Variants in ZFHX4 observed in about 807,000 individuals in gnomAD.
ZFHX4 encodes the protein zinc finger homeobox 4, also known as zinc finger homeobox protein 4.
ZFHX4 carries 56 observed loss-of-function variants against 267.6 expected under a neutral mutation model. That is an observed-to-expected ratio of 0.21 (90% CI 0.17 to 0.26). The LOEUF (loss-of-function observed/expected upper bound fraction) is 0.26. ZFHX4 is among the 10% of genes least tolerant of loss of function. ZFHX4 has a pLI of 1.00. For synonymous variants in ZFHX4, 1,778 were observed against 1,665.6 expected (o/e 1.07, Z -1.64); for missense variants, 4,332 against 4,420.0 (o/e 0.98, Z 0.56).
intron 3 of ZFHX4, among the ~76,000 whole-genome samples, chr8:76,753,001 T>G (rs1299294726): frequency 6.6e-6 from 1 of 152,238 alleles, no homozygotes; most frequent in Non-Finnish European, 1.5e-5. Context: ...TTTGTACCAG[T>G]GCATGCCAAT....
intron 1 of ZFHX4, among the ~76,000 whole-genome samples, chr8:76,691,689 C>T (rs1041033468): frequency 6.6e-6 from 1 of 152,058 alleles, no homozygotes; most frequent in African/African-American, 2.4e-5. Flanking sequence ...TGCCCTTGTC[C>T]AAGTTACTTA....
chr8:76,801,828 T>C (rs904667127), intron 4 of ZFHX4, among the ~76,000 whole-genome samples: 4 of 152,012 alleles, frequency 2.6e-5, no homozygotes, highest in Non-Finnish European at 5.9e-5. Context: ...AATTTATGAG[T>C]CAAAAATATG....
At chr8:76,752,505 A>AAAAAG (rs1809645889) in intron 3 of ZFHX4, among the ~76,000 whole-genome samples, 1 of 149,106 alleles carries the variant, frequency 6.7e-6, no homozygotes, top group African/African-American at 2.4e-5. Flanking sequence ...AAAAAAAAAA[A>AAAAAG]AAAAGAAAAA....
At chr8:76,714,926 T>C (rs1808525061) in intron 3 of ZFHX4, among the ~76,000 whole-genome samples, 1 of 152,202 alleles carries the variant, frequency 6.6e-6, no homozygotes, top group Non-Finnish European at 1.5e-5. Context: ...AGAGTTTCCA[T>C]GCATTTTTTC....
Position 76,778,394 on chromosome 8 carries a change from C to A in ZFHX4, c.3280C>A (p.Leu1094Ile). Residue 1094 changes from leucine to isoleucine, a missense_variant, in exon 4 of 11, where the codon CTC becomes ATC. Physicochemically the swap from Leu to Ile is conservative, Grantham distance 5. Coordinates refer to ENST00000651372, the MANE Select transcript of ZFHX4 (RefSeq NM_024721.5). ...QQGLAPEEDN[L>I]SEIFFVKDCP... ...AGGCCTGGCACCAGAGGAGGACAAC[C>A]TCAGTGAGATCTTTTTTGTTAAAGA... is the stretch of plus-strand genomic sequence containing the variant. 6.2e-7 allele frequency: 1 copy of A among 1,613,884 alleles called. No homozygotes were observed.
chr8:76,773,548 A>T (rs899183830), intron 3 of ZFHX4, among the ~76,000 whole-genome samples: 2 of 152,226 alleles, frequency 1.3e-5, no homozygotes, highest in Non-Finnish European at 2.9e-5. Flanking sequence ...CATCCTCCTG[A>T]TATCTGTTTG....
At chr8:76,707,469 A>C in intron 2 of ZFHX4, 77 bp from the exon 3 acceptor site, 1 of 1,319,140 alleles carries the variant, frequency 7.6e-7, no homozygotes, top group Non-Finnish European at 1.0e-6. Flanking sequence ...CCTTGTCAAG[A>C]CTTTATTTTA....
At chr8:76,801,276 A>G (rs1811110736) in intron 4 of ZFHX4, among the ~76,000 whole-genome samples, 1 of 152,228 alleles carries the variant, frequency 6.6e-6, no homozygotes, top group Non-Finnish European at 1.5e-5. Context: ...AAATCCAACC[A>G]AAAGGTTTAG....
chr8:76,712,973 CTT>C (rs1212885647), intron 3 of ZFHX4, among the ~76,000 whole-genome samples: 1 of 152,044 alleles, frequency 6.6e-6, no homozygotes, highest in Admixed American at 6.5e-5. Context: ...ATACTTATAA[CTT>C]ATAAATACAT....
At chr8:76,845,650 T>C (rs930236575) in intron 6 of ZFHX4, among the ~76,000 whole-genome samples, 2 of 152,122 alleles carry the variant, frequency 1.3e-5, no homozygotes, top group Admixed American at 6.6e-5. Context: ...TTGCTTTGAG[T>C]ACATGTGCGT....
chr8:76,782,940 T>G (rs1810589836), intron 4 of ZFHX4, among the ~76,000 whole-genome samples: 2 of 152,060 alleles, frequency 1.3e-5, no homozygotes. Flanking sequence ...CAAGTTATTC[T>G]TCTCTGCCAG....
In ZFHX4 at chr8:76,708,037, A is replaced by G; in HGVS notation, c.3082A>G (p.Lys1028Glu). The G allele has an allele frequency of 6.2e-7, 1 of 1,613,326 alleles. No individual in the cohort carries two copies. Among genetic ancestry groups the G allele is most frequent in the Non-Finnish European group, 8.5e-7 (1 of 1,179,874 alleles). ...TTNHRHEAAL[K>E]LYKHLQKQEG... Reference sequence around the variant, plus strand: ...CAATCACAGGCACGAGGCGGCCCTGAAGCTCTACAAGGTAAGCAGTGACAT... The same window carrying G: ...CAATCACAGGCACGAGGCGGCCCTGGAGCTCTACAAGGTAAGCAGTGACAT... Residue 1028 changes from lysine to glutamate, a missense_variant, in exon 3 of 11, where the codon AAG becomes GAG. Physicochemically the swap from Lys to Glu is moderately conservative, Grantham distance 56 (BLOSUM62 1). This residue lies in a region of ZFHX4 where 1,371 missense variants were observed against 1,423.1 expected (regional missense o/e 0.96). Coordinates refer to ENST00000651372, the MANE Select transcript of ZFHX4 (RefSeq NM_024721.5).
In ZFHX4 at chr8:76,856,145, G is replaced by T. The variant is rs773553542; in HGVS notation, c.9224G>T (p.Gly3075Val). The T allele has an allele frequency of 1.9e-6, 3 of 1,613,984 alleles. No individual in the cohort carries two copies. The East Asian group carries it at 6.7e-5, about 36-fold the overall frequency. Reference protein sequence around the residue: ...DRIKKASDVLGLTVQQPGMMD... With the variant: ...DRIKKASDVLVLTVQQPGMMD... ...ATAAAGAAAGCTTCAGACGTGCTGGGCTTGACGGTACAGCAGCCAGGCATG... is the reference window on the plus strand; with the variant it reads ...ATAAAGAAAGCTTCAGACGTGCTGGTCTTGACGGTACAGCAGCCAGGCATG... Residue 3075 changes from glycine to valine, a missense_variant, in exon 10 of 11, where the codon GGC becomes GTC. Coordinates refer to ENST00000651372, the MANE Select transcript of ZFHX4 (RefSeq NM_024721.5).
chr8:76,710,053 A>C (rs1808384532), intron 3 of ZFHX4, among the ~76,000 whole-genome samples: 1 of 152,186 alleles, frequency 6.6e-6, no homozygotes, highest in African/African-American at 2.4e-5. Flanking sequence ...CTTTCCTTAA[A>C]AATGTTATAA....
chr8:76,864,420 C>A lies in ZFHX4; in HGVS notation c.10706C>A (p.Pro3569His). The A allele has an allele frequency of 6.2e-7, 1 of 1,613,756 alleles. No homozygotes were observed. The highest frequency in any genetic ancestry group is 8.5e-7 in the Non-Finnish European group (1 of 1,179,856). The change falls in exon 11 of 11, where the codon CCC becomes CAC. Residue 3569 changes from proline (P) to histidine (H), a missense_variant. Physicochemically the swap from Pro to His is moderately conservative, Grantham distance 77 (BLOSUM62 -2). Transcript: ENST00000651372. ...ACCTCAGGGGTTCAAACCTCACTACCCACAGAAAGTTGTTCAGATGAGTCT... is the reference window on the plus strand; with the variant it reads ...ACCTCAGGGGTTCAAACCTCACTACACACAGAAAGTTGTTCAGATGAGTCT... ...CSTSGVQTSL[P>H]TESCSDESDS...
chr8:76,729,859 AT>A (rs1808952423), intron 3 of ZFHX4, among the ~76,000 whole-genome samples: 1 of 152,204 alleles, frequency 6.6e-6, no homozygotes. Context: ...AAAAGCTGGT[AT>A]TAATAAATCT....
At chr8:76,752,915 C>A (rs1327800579) in intron 3 of ZFHX4, among the ~76,000 whole-genome samples, 1 of 152,110 alleles carries the variant, frequency 6.6e-6, no homozygotes, top group Non-Finnish European at 1.5e-5. Flanking sequence ...ATTGACATAG[C>A]TGATCTACCA....
intron 5 of ZFHX4, among the ~76,000 whole-genome samples, chr8:76,838,735 TC>T (rs1812155287): frequency 6.6e-6 from 1 of 151,942 alleles, no homozygotes; most frequent in African/African-American, 2.4e-5. Flanking sequence ...AGGAGAGGGA[TC>T]CCAAACCCAA....
intron 7 of ZFHX4, 79 bp from the exon 8 acceptor site, chr8:76,849,433 A>C (rs540701419): frequency 5.8e-5 from 77 of 1,324,606 alleles, no homozygotes; most frequent in Non-Finnish European, 8.2e-5. Context: ...TATCACACGT[A>C]CCCCCAAAAT....
Sources: allele counts gnomAD v4.1 joint callset (sites outside exome capture counted in the v4.1 genomes callset), GRCh38; gene constraint gnomAD v4.1.1; regional missense constraint gnomAD v4.1.1; transcripts MANE v1.5; gene names NCBI Gene and HGNC (gene_info 2026-07-23, HGNC 2026-07-21).